The following CADPS variants were observed in gnomAD, a reference collection of about 807,000 sequenced individuals.
The protein encoded by CADPS is calcium-dependent secretion activator 1.
In CADPS, 57 loss-of-function variants were observed where a neutral mutation model predicts 167.3. The observed-to-expected ratio is 0.34, with a 90% confidence interval of 0.28 to 0.42. The LOEUF is 0.42. Among genes scored for constraint, CADPS ranks in the 20% least tolerant of loss-of-function variants. CADPS has a pLI of 1.00. For missense variants in CADPS, 1,414 were observed against 1,738.1 expected (o/e 0.81, Z 3.32); for synonymous variants, 676 against 635.3 (o/e 1.06, Z -0.96).
chr3:62,701,620 A>AAAG (rs2081407172), intron 3 of CADPS, among the ~76,000 whole-genome samples: 1 of 151,276 alleles, frequency 6.6e-6, no homozygotes, highest in African/African-American at 2.4e-5. Context: ...AAAAAAAAAA[A>AAAG]AAGAAAGAAA....
intron 1 of CADPS, among the ~76,000 whole-genome samples, chr3:62,826,088 T>A (rs1378789421): frequency 6.6e-6 from 1 of 152,158 alleles, no homozygotes; most frequent in Non-Finnish European, 1.5e-5. Context: ...GGGACATAGC[T>A]TTTGCCTTAT....
chr3:62,815,982 T>C (rs983978581), intron 1 of CADPS, among the ~76,000 whole-genome samples: 3 of 152,178 alleles, frequency 2.0e-5, no homozygotes, highest in Non-Finnish European at 4.4e-5. Flanking sequence ...TTAAAATATT[T>C]ATTGTTGATT....
chr3:62,865,030 A>G (rs2153199510), intron 1 of CADPS, among the ~76,000 whole-genome samples: 1 of 152,246 alleles, frequency 6.6e-6, no homozygotes, highest in East Asian at 1.9e-4. Context: ...TTGAATATGG[A>G]AGAACCCCCA....
At chr3:62,700,243 G>A (rs989914222) in intron 3 of CADPS, among the ~76,000 whole-genome samples, 3 of 152,070 alleles carry the variant, frequency 2.0e-5, no homozygotes, top group African/African-American at 7.2e-5. Flanking sequence ...TTCAAGAGGT[G>A]GAGCTTAATT....
At chr3:62,599,659 A>AAT (rs1461172447) in intron 6 of CADPS, among the ~76,000 whole-genome samples, 3 of 63,732 alleles carry the variant, frequency 4.7e-5, no homozygotes, top group East Asian at 4.8e-4. Flanking sequence ...TATATAATAT[A>AAT]ATATATATTA....
chr3:62,702,156 T>A (rs2081517906), intron 3 of CADPS, among the ~76,000 whole-genome samples: 1 of 152,162 alleles, frequency 6.6e-6, no homozygotes, highest in South Asian at 2.1e-4. Context: ...AAAATCATCT[T>A]TGGAGAAAGT....
intron 27 of CADPS, chr3:62,439,773 G>A (rs1221049669): frequency 1.3e-5 from 2 of 152,148 alleles, no homozygotes; most frequent in Non-Finnish European, 2.9e-5. Flanking sequence ...CCATCTTAGA[G>A]CTAAGGTACA....
rs6780335 is a variant in CADPS at position 62,728,193 on chromosome 3, C to T, written c.888+25248G>A. Among the ~76,000 whole-genome samples the T allele has an allele frequency of 4.0e-3, 609 of 151,806 alleles. 15 individuals are homozygous for T. The highest frequency in any genetic ancestry group is 0.013 in the African/African-American group (547 of 41,204). On this transcript the variant is annotated intron_variant, in intron 3 of 29. Transcript: ENST00000383710. ...GGGCAAAACCGCAATTACTTTTGCA[C>T]CAATCTAATAAATGACAGAGCTGAA... is the stretch of plus-strand genomic sequence containing the variant.
chr3:62,406,550 G>C (rs529512500), intron 28 of CADPS, among the ~76,000 whole-genome samples: 3 of 152,268 alleles, frequency 2.0e-5, no homozygotes, highest in African/African-American at 7.2e-5. Context: ...GTAGAAATAA[G>C]AATTGTGGGC....
intron 3 of CADPS, among the ~76,000 whole-genome samples, chr3:62,669,899 G>A (rs1580087751): frequency 6.6e-6 from 1 of 152,150 alleles, no homozygotes; most frequent in East Asian, 1.9e-4. Flanking sequence ...TGATTCTGCA[G>A]CACTTAAAGT....
chr3:62,425,147 G>A (rs2052360550), intron 28 of CADPS, among the ~76,000 whole-genome samples: 1 of 152,164 alleles, frequency 6.6e-6, no homozygotes, highest in African/African-American at 2.4e-5. Context: ...AGTCTTGTAA[G>A]ATACAAAGTA....
chr3:62,785,140 A>G lies in CADPS; in HGVS notation c.442-19156T>C, dbSNP rs150271892. Among the ~76,000 whole-genome samples, 542 of 152,274 alleles carry G rather than the reference A, an allele frequency of 3.6e-3. 2 individuals are homozygous for G. The highest frequency in any genetic ancestry group is 6.8e-3 in the Middle Eastern group (2 of 294). On this transcript the variant is annotated intron_variant, in intron 1 of 29. Transcript: ENST00000383710. ...GAAGTGATCATTAACAAGTTGGATG[A>G]TGGGTACAAGAGGGTTAGTTAAACT...
intron 22 of CADPS, 30 bp downstream of exon 22, chr3:62,481,693 A>C (rs2062035371): frequency 6.5e-7 from 1 of 1,541,988 alleles, no homozygotes; most frequent in South Asian, 1.3e-5. Context: ...CTTAAATTTA[A>C]ATGAGATCTA....
intron 12 of CADPS, 160 bp downstream of exon 12, chr3:62,536,285 G>T: frequency 3.2e-6 from 2 of 620,982 alleles, no homozygotes; most frequent in Non-Finnish European, 5.4e-6. Flanking sequence ...TTGTTTCTTT[G>T]GTAAGTAAAA....
chr3:62,836,758 T>C (rs1163093236), intron 1 of CADPS, among the ~76,000 whole-genome samples: 3 of 152,160 alleles, frequency 2.0e-5, no homozygotes, highest in Admixed American at 2.0e-4. Context: ...TTCTGAAGAA[T>C]TTTAAACCAA....
At chr3:62,422,209 G>C (rs1453309672) in intron 28 of CADPS, among the ~76,000 whole-genome samples, 1 of 152,148 alleles carries the variant, frequency 6.6e-6, no homozygotes, top group East Asian at 1.9e-4. Flanking sequence ...ACCACTATTT[G>C]ATGGTGTTCA....
intron 24 of CADPS, chr3:62,470,738 G>A (rs1031366707): frequency 6.6e-6 from 1 of 152,090 alleles, no homozygotes. Context: ...TCTCTAAGAT[G>A]GCTTGGGAAA....
chr3:62,524,969 A>G (rs2071687018), intron 13 of CADPS, among the ~76,000 whole-genome samples: 1 of 152,204 alleles, frequency 6.6e-6, no homozygotes, highest in African/African-American at 2.4e-5. Flanking sequence ...TGAAGACACC[A>G]TATACAAAAT....
intron 1 of CADPS, among the ~76,000 whole-genome samples, chr3:62,862,264 T>A (rs1428410079): frequency 6.7e-6 from 1 of 150,340 alleles, no homozygotes; most frequent in Non-Finnish European, 1.5e-5. Context: ...GTCGCCAGTC[T>A]GGGGTGCTGT....
Sources: allele counts gnomAD v4.1 joint callset (sites outside exome capture counted in the v4.1 genomes callset), GRCh38; gene constraint gnomAD v4.1.1; transcripts MANE v1.5; gene names NCBI Gene and HGNC (gene_info 2026-07-23, HGNC 2026-07-21).